The following TBCA variants were observed in gnomAD, a reference collection of about 807,000 sequenced individuals.
TBCA encodes the protein tubulin folding cofactor A, also known as tubulin-specific chaperone A.
Under a neutral mutation model 15.8 loss-of-function variants are expected in TBCA, and 6 were observed. The observed-to-expected ratio is 0.38, with a 90% confidence interval of 0.21 to 0.75. TBCA has a LOEUF of 0.75. Ranked by LOEUF, TBCA falls within the 30% of genes least tolerant of loss-of-function variation. The pLI is 0.46. For synonymous variants in TBCA, 32 were observed against 42.3 expected, an observed-to-expected ratio of 0.76 and a Z score of 0.94; for missense variants, 90 against 131.2, an observed-to-expected ratio of 0.69 and a Z score of 1.53.
At chr5:77,748,430 G>A (rs531351447) in intron 1 of TBCA, among the ~76,000 whole-genome samples, 164 of 151,874 alleles carry the variant, frequency 1.1e-3, no homozygotes, top group Non-Finnish European at 2.0e-3. Flanking sequence ...GACAGAAAAT[G>A]AGAATATCTA....
At chr5:77,761,601 C>T (rs1274817096) in intron 1 of TBCA, among the ~76,000 whole-genome samples, 1 of 151,936 alleles carries the variant, frequency 6.6e-6, no homozygotes, top group Non-Finnish European at 1.5e-5. Flanking sequence ...TGCCACATCC[C>T]CCTCTCCGAG....
chr5:77,715,643 A>C (rs1237103025), intron 1 of TBCA, among the ~76,000 whole-genome samples: 1 of 152,196 alleles, frequency 6.6e-6, no homozygotes, highest in Non-Finnish European at 1.5e-5. Flanking sequence ...GAAAAAGAGA[A>C]TCCATTTAAC....
intron 3 of TBCA, chr5:77,692,211 T>C: frequency 1.0e-6 from 1 of 985,148 alleles, no homozygotes; most frequent in Non-Finnish European, 1.2e-6. Flanking sequence ...CAATAAAAGA[T>C]GGAGATATAC....
chr5:77,743,738 C>T (rs770648997), intron 1 of TBCA, among the ~76,000 whole-genome samples: 19 of 152,090 alleles, frequency 1.2e-4, no homozygotes, highest in Non-Finnish European at 1.9e-4. Context: ...TCCCTTTATA[C>T]GGAGGTCTTC....
intron 3 of TBCA, chr5:77,692,348 T>A: frequency 1.0e-6 from 1 of 985,356 alleles, no homozygotes; most frequent in Non-Finnish European, 1.2e-6. Context: ...CTTAAACACA[T>A]CTTTGTTCTC....
At position 77,705,565 on chromosome 5, in the gene TBCA, C is replaced by T. The variant is rs1014989076; in HGVS notation, c.159+2677G>A. Reference sequence around the variant, plus strand: ...GACAAGGCCAGGTAGGGGGGACTCACGCTTATCATCCCAGGACTCTGAGAG... The same window carrying T: ...GACAAGGCCAGGTAGGGGGGACTCATGCTTATCATCCCAGGACTCTGAGAG... On this transcript the variant is annotated intron_variant, in intron 2 of 3. Coordinates refer to ENST00000380377, the MANE Select transcript of TBCA (RefSeq NM_004607.3). 5.0e-5 allele frequency: 20 copies of T among 398,572 alleles called. No homozygotes were observed. The South Asian group carries it at 8.9e-4, about 18-fold the overall frequency. The allele number at this position is 398,572 out of a possible 1,614,324, so 24.7% of individuals were successfully genotyped here. A position where few individuals can be genotyped will look rare whatever the true frequency, so the allele number is the denominator to read the frequency against.
chr5:77,696,668 T>A (rs534016089), intron 2 of TBCA, among the ~76,000 whole-genome samples: 1 of 152,140 alleles, frequency 6.6e-6, no homozygotes, highest in South Asian at 2.1e-4. Flanking sequence ...TCCTATATAA[T>A]CCCAGCACTT....
chr5:77,723,697 G>A (rs748344495), intron 1 of TBCA, among the ~76,000 whole-genome samples: 1 of 151,712 alleles, frequency 6.6e-6, no homozygotes, highest in Non-Finnish European at 1.5e-5. Flanking sequence ...AGTCACTGTC[G>A]CCTGTCAACT....
chr5:77,732,586 T>G (rs1746800036), intron 1 of TBCA, among the ~76,000 whole-genome samples: 1 of 150,664 alleles, frequency 6.6e-6, no homozygotes. Context: ...AATTGAAGGT[T>G]TGTGGTAATC....
intron 1 of TBCA, among the ~76,000 whole-genome samples, chr5:77,742,727 A>G (rs1012194667): frequency 1.3e-5 from 2 of 152,224 alleles, no homozygotes; most frequent in Admixed American, 1.3e-4. Flanking sequence ...ACAAGTCATC[A>G]ATATGGTGAA....
chr5:77,744,662 A>G (rs1375626233), intron 1 of TBCA, among the ~76,000 whole-genome samples: 5 of 146,844 alleles, frequency 3.4e-5, no homozygotes, highest in South Asian at 2.2e-4. Flanking sequence ...CAGCCCCCCA[A>G]GCAGCTGGGA....
chr5:77,765,833 A>G (rs145296647), intron 1 of TBCA, among the ~76,000 whole-genome samples: 2 of 151,534 alleles, frequency 1.3e-5, no homozygotes, highest in African/African-American at 4.9e-5. Flanking sequence ...GGGGCCATAT[A>G]TAACAATGTA....
chr5:77,703,007 CA>C (rs1746059180), intron 2 of TBCA, among the ~76,000 whole-genome samples: 2 of 152,062 alleles, frequency 1.3e-5, no homozygotes, highest in African/African-American at 4.8e-5. Flanking sequence ...TAATATTTTC[CA>C]TATATTTAAT....
chr5:77,701,731 G>T (rs1580092895), intron 2 of TBCA, among the ~76,000 whole-genome samples: 2 of 109,812 alleles, frequency 1.8e-5, no homozygotes, highest in Non-Finnish European at 1.8e-5. Context: ...ATATATGATG[G>T]AATACTACTC....
chr5:77,770,011 A>G (rs1435998115), intron 1 of TBCA, among the ~76,000 whole-genome samples: 1 of 152,232 alleles, frequency 6.6e-6, no homozygotes, highest in East Asian at 1.9e-4. Flanking sequence ...TCATTCACTC[A>G]CCAGTGAACT....
intron 1 of TBCA, among the ~76,000 whole-genome samples, chr5:77,753,994 G>C (rs999971157): frequency 3.9e-5 from 6 of 152,170 alleles, no homozygotes; most frequent in Admixed American, 1.3e-4. Context: ...GACTTCAAGT[G>C]ATCTACCTAC....
At chr5:77,737,527 C>T (rs1746938552) in intron 1 of TBCA, among the ~76,000 whole-genome samples, 1 of 152,168 alleles carries the variant, frequency 6.6e-6, no homozygotes, top group Admixed American at 6.5e-5. Flanking sequence ...CTAGTTCCAA[C>T]TCAACTACTT....
At chr5:77,755,929 G>A (rs1340517032) in intron 1 of TBCA, among the ~76,000 whole-genome samples, 2 of 148,792 alleles carry the variant, frequency 1.3e-5, no homozygotes, top group Non-Finnish European at 3.0e-5. Flanking sequence ...GCTCGAACCC[G>A]GGAGGCGGAG....
chr5:77,703,818 T>C (rs1746079306), intron 2 of TBCA, among the ~76,000 whole-genome samples: 1 of 152,146 alleles, frequency 6.6e-6, no homozygotes, highest in Non-Finnish European at 1.5e-5. Context: ...TTTTACTCTG[T>C]GTCCCCACAC....
Sources: gnomAD v4.1 joint callset for allele counts (sites outside exome capture counted in the v4.1 genomes callset) on GRCh38, gnomAD v4.1.1 for gene constraint, MANE v1.5 for transcripts, NCBI Gene and HGNC (gene_info 2026-07-23, HGNC 2026-07-21) for gene names.